BRINP3: variants seen among roughly 807,000 people sequenced by gnomAD.
BRINP3 encodes BMP/retinoic acid inducible neural specific 3, also known as BMP/retinoic acid-inducible neural-specific protein 3.
BRINP3 carries 19 observed loss-of-function variants against 71.0 expected under a neutral mutation model. The ratio of observed to expected loss-of-function variants is 0.27; its 90% CI spans 0.19 to 0.39. The LOEUF (loss-of-function observed/expected upper bound fraction) is 0.39, where lower values mean the gene tolerates loss of function less well. BRINP3 is among the 10% of genes least tolerant of loss of function. BRINP3 has a pLI of 1.00. For missense variants in BRINP3, 959 were observed against 940.8 expected, an observed-to-expected ratio of 1.02 and a Z score of -0.25; for synonymous variants, 380 against 337.7, an observed-to-expected ratio of 1.13 and a Z score of -1.37.
At chr1:190,135,658 A>T (rs913053199) in intron 7 of BRINP3, among the ~76,000 whole-genome samples, 11 of 152,084 alleles carry the variant, frequency 7.2e-5, no homozygotes, top group Non-Finnish European at 1.0e-4. Context: ...GATTTCTGGT[A>T]ATAGCCCCAG....
intron 2 of BRINP3, among the ~76,000 whole-genome samples, chr1:190,339,604 TGATTTCATTCA>T (rs1316912940): frequency 2.6e-5 from 4 of 151,978 alleles, no homozygotes; most frequent in African/African-American, 7.2e-5. Context: ...CCTTGGGCAA[TGATTTCATTCA>T]GAGTGGCTCA....
chr1:190,187,245 GTTGT>G (rs1188548286), intron 6 of BRINP3, among the ~76,000 whole-genome samples: 1 of 152,012 alleles, frequency 6.6e-6, no homozygotes, highest in Non-Finnish European at 1.5e-5. Flanking sequence ...TTGCTATTAA[GTTGT>G]TTGAGTTACT....
chr1:190,188,537 T>C (rs1558047371), intron 6 of BRINP3, among the ~76,000 whole-genome samples: 1 of 152,206 alleles, frequency 6.6e-6, no homozygotes, highest in Non-Finnish European at 1.5e-5. Flanking sequence ...TAACTTCTTC[T>C]ATACCTTATT....
chr1:190,098,266 A>C lies in BRINP3; in HGVS notation c.2053T>G (p.Leu685Val). ...TGAGTATAGGGGTAGTCCAGCTGCAAAATCAGGTCCCGAATTGCTTCAGGG... is the reference window on the plus strand; with the variant it reads ...TGAGTATAGGGGTAGTCCAGCTGCACAATCAGGTCCCGAATTGCTTCAGGG... The part of the protein sequence containing the change: ...FDPEAIRDLI[L>V]QLDYPYTQGS... Residue 685 changes from leucine to valine, a missense_variant, in exon 8 of 8, where the codon TTG becomes GTG. Transcript: ENST00000367462. 1 of 1,614,180 alleles carries C rather than the reference A, an allele frequency of 6.2e-7. No individual in the cohort carries two copies. Among genetic ancestry groups the C allele is most frequent in the East Asian group, 2.2e-5 (1 of 44,880 alleles).
At chr1:190,131,236 G>T (rs907258749) in intron 7 of BRINP3, among the ~76,000 whole-genome samples, 1 of 151,634 alleles carries the variant, frequency 6.6e-6, no homozygotes, top group African/African-American at 2.4e-5. Flanking sequence ...GCTACCAAAA[G>T]CTGTGTACAA....
At chr1:190,299,122 CT>C (rs928962375) in intron 2 of BRINP3, among the ~76,000 whole-genome samples, 3 of 152,052 alleles carry the variant, frequency 2.0e-5, no homozygotes, top group Non-Finnish European at 2.9e-5. Flanking sequence ...GTCACTACTT[CT>C]TTTTCTGAAA....
At chr1:190,414,320 G>A (rs1381903277) in intron 2 of BRINP3, among the ~76,000 whole-genome samples, 1 of 151,692 alleles carries the variant, frequency 6.6e-6, no homozygotes, top group Non-Finnish European at 1.5e-5. Context: ...AATATTTGAG[G>A]TTGAATAAAT....
intron 7 of BRINP3, among the ~76,000 whole-genome samples, chr1:190,109,537 C>T (rs1029713636): frequency 8.5e-5 from 13 of 152,174 alleles, no homozygotes; most frequent in Admixed American, 3.3e-4. Context: ...TTAGGGGATA[C>T]GCAGATAGCT....
intron 4 of BRINP3, among the ~76,000 whole-genome samples, chr1:190,260,555 T>G (rs546491417): frequency 7.9e-5 from 12 of 152,008 alleles, no homozygotes; most frequent in African/African-American, 2.6e-4. Context: ...CATATATATA[T>G]ATAGAGAGAG....
chr1:190,121,656 AG>A (rs1410278284), intron 7 of BRINP3, among the ~76,000 whole-genome samples: 15 of 152,306 alleles, frequency 9.8e-5, no homozygotes, highest in African/African-American at 3.4e-4. Flanking sequence ...TTAATATAAA[AG>A]TTTAGGCAGT....
intron 3 of BRINP3, 52 bp from the exon 4 acceptor site, chr1:190,265,107 T>G: frequency 1.3e-6 from 2 of 1,514,750 alleles, no homozygotes; most frequent in Non-Finnish European, 8.9e-7. Flanking sequence ...AATCTTTTTT[T>G]TTAACTTATC....
chr1:190,174,518 T>C (rs1392212572), intron 6 of BRINP3, among the ~76,000 whole-genome samples: 1 of 152,138 alleles, frequency 6.6e-6, no homozygotes, highest in African/African-American at 2.4e-5. Context: ...AGCCTGTCTA[T>C]ATGTATAAAC....
In BRINP3 at chr1:190,099,051, G is replaced by T. The variant is rs745308648; in HGVS notation, c.1268C>A (p.Thr423Lys). The change falls in exon 8 of 8, where the codon ACG (threonine) becomes AAG (lysine). Residue 423 changes from threonine to lysine, a missense_variant. Coordinates refer to ENST00000367462, the MANE Select transcript of BRINP3 (RefSeq NM_199051.3). ...NGLLGSFSEE[T>K]HSCTCPNDQV... ...GTCATTCGGACACGTGCACGAGTGC[G>T]TCTCTTCTGAAAAGCTGCCTAGGAG... The T allele has an allele frequency of 1.2e-6, 2 of 1,614,162 alleles. No homozygotes were observed. The highest frequency in any genetic ancestry group is 2.2e-5 in the East Asian group (1 of 44,880).
intron 4 of BRINP3, among the ~76,000 whole-genome samples, chr1:190,255,913 A>T (rs548358360): frequency 6.6e-6 from 1 of 152,248 alleles, no homozygotes; most frequent in Admixed American, 6.5e-5. Context: ...TTAGTGCTAT[A>T]AATTTCCCTC....
intron 1 of BRINP3, among the ~76,000 whole-genome samples, chr1:190,468,398 A>G (rs1370151327): frequency 1.3e-5 from 2 of 151,364 alleles, no homozygotes; most frequent in Non-Finnish European, 3.0e-5. Context: ...TATAATGACA[A>G]AAGTGATCTT....
chr1:190,367,005 G>C (rs1669546877), intron 2 of BRINP3, among the ~76,000 whole-genome samples: 2 of 152,162 alleles, frequency 1.3e-5, no homozygotes, highest in Admixed American at 6.5e-5. Flanking sequence ...CACGGTGCAA[G>C]CTGTCAGTGG....
chr1:190,145,300 T>C (rs1655791515), intron 7 of BRINP3, among the ~76,000 whole-genome samples: 1 of 152,196 alleles, frequency 6.6e-6, no homozygotes, highest in African/African-American at 2.4e-5. Context: ...TGATTTTGTG[T>C]CATGCAACTT....
At chr1:190,176,830 G>A (rs72729142) in intron 6 of BRINP3, among the ~76,000 whole-genome samples, 12,102 of 152,040 alleles carry the variant, frequency 0.08, 568 homozygotes, top group East Asian at 0.11. Context: ...GGGTCAAGAA[G>A]CAGTTAGCTC....
chr1:190,108,584 G>C (rs1387075445), intron 7 of BRINP3, among the ~76,000 whole-genome samples: 1 of 149,406 alleles, frequency 6.7e-6, no homozygotes, highest in Non-Finnish European at 1.5e-5. Flanking sequence ...TAAAATGACT[G>C]TTCTAAAGAC....
Sources: allele counts gnomAD v4.1 joint callset (sites outside exome capture counted in the v4.1 genomes callset), GRCh38; gene constraint gnomAD v4.1.1; transcripts MANE v1.5; gene names NCBI Gene and HGNC (gene_info 2026-07-23, HGNC 2026-07-21).